PTPRT: variants seen among roughly 807,000 people sequenced by gnomAD.
PTPRT encodes the protein receptor-type tyrosine-protein phosphatase T.
PTPRT carries 56 observed loss-of-function variants against 176.8 expected under a neutral mutation model. The ratio of observed to expected loss-of-function variants is 0.32; its 90% CI spans 0.26 to 0.40. PTPRT has a LOEUF of 0.40. Ranked by LOEUF, PTPRT falls within the 10% of genes least tolerant of loss-of-function variation. The pLI is 1.00. For synonymous variants in PTPRT, 783 were observed against 739.0 expected (o/e 1.06, Z -0.96); for missense variants, 1,540 against 1,908.2 (o/e 0.81, Z 3.60).
intron 7 of PTPRT, among the ~76,000 whole-genome samples, chr20:42,548,238 G>C (rs1037666794): frequency 6.6e-5 from 10 of 151,954 alleles, no homozygotes; most frequent in Non-Finnish European, 1.2e-4. Flanking sequence ...AAATTTATAA[G>C]AAAGAATAAC....
At chr20:42,620,061 T>A (rs2074159928) in intron 7 of PTPRT, among the ~76,000 whole-genome samples, 1 of 148,980 alleles carries the variant, frequency 6.7e-6, no homozygotes, top group African/African-American at 2.5e-5. Flanking sequence ...TTTTTCCCCA[T>A]CTTTGTGGTT....
intron 9 of PTPRT, among the ~76,000 whole-genome samples, chr20:42,417,390 A>G (rs2059075878): frequency 6.6e-6 from 1 of 152,024 alleles, no homozygotes. Flanking sequence ...TTCTTCATGG[A>G]GATTCCTCCC....
chr20:42,959,430 C>T (rs893157181), intron 1 of PTPRT, among the ~76,000 whole-genome samples: 19 of 152,208 alleles, frequency 1.2e-4, no homozygotes, highest in African/African-American at 4.3e-4. Context: ...CTGAACATAG[C>T]TTCCTGTGCC....
chr20:43,127,340 G>A (rs545208961), intron 1 of PTPRT, among the ~76,000 whole-genome samples: 11 of 151,430 alleles, frequency 7.3e-5, no homozygotes, highest in African/African-American at 9.7e-5. Context: ...GGAGAATGGC[G>A]TGAACCTGGG....
intron 13 of PTPRT, among the ~76,000 whole-genome samples, chr20:42,276,524 TATATATATATATATATATATATA>T: frequency 2.5e-5 from 1 of 39,596 alleles, no homozygotes; most frequent in East Asian, 1.2e-3. Flanking sequence ...TATATATATA[TATATATATATATATATATATATA>T]TATATATATA....
At chr20:42,600,135 A>AT (rs201422471) in intron 7 of PTPRT, among the ~76,000 whole-genome samples, 1 of 151,394 alleles carries the variant, frequency 6.6e-6, no homozygotes, top group African/African-American at 2.4e-5. Context: ...TGTTGTTGTT[A>AT]TTTTTTTGTT....
At chr20:42,840,001 C>T (rs933897155) in intron 2 of PTPRT, among the ~76,000 whole-genome samples, 1 of 152,074 alleles carries the variant, frequency 6.6e-6, no homozygotes, top group Non-Finnish European at 1.5e-5. Flanking sequence ...CCTCAGCTGC[C>T]GTAACACAGT....
At chr20:42,807,241 C>G (rs746411794) in intron 2 of PTPRT, among the ~76,000 whole-genome samples, 2 of 152,216 alleles carry the variant, frequency 1.3e-5, no homozygotes, top group Non-Finnish European at 2.9e-5. Context: ...GTTAGTGGCA[C>G]GGCATAGGTG....
intron 7 of PTPRT, among the ~76,000 whole-genome samples, chr20:42,488,365 A>G (rs2071498665): frequency 6.6e-6 from 1 of 152,142 alleles, no homozygotes; most frequent in African/African-American, 2.4e-5. Context: ...GCTGTATGTA[A>G]AGGTACCTGT....
At chr20:42,526,922 C>T (rs954230324) in intron 7 of PTPRT, among the ~76,000 whole-genome samples, 13 of 150,824 alleles carry the variant, frequency 8.6e-5, no homozygotes, top group African/African-American at 3.2e-4. Context: ...TTCTACTCTA[C>T]CGTTCTAAGA....
intron 16 of PTPRT, among the ~76,000 whole-genome samples, chr20:42,180,348 T>C (rs562252396): frequency 6.6e-6 from 1 of 152,288 alleles, no homozygotes; most frequent in Admixed American, 6.5e-5. Context: ...ATGGCTCACA[T>C]CTGTTACCTT....
At chr20:42,930,873 A>G (rs932584169) in intron 1 of PTPRT, among the ~76,000 whole-genome samples, 2 of 152,188 alleles carry the variant, frequency 1.3e-5, no homozygotes, top group African/African-American at 2.4e-5. Context: ...GTAGCAAGAT[A>G]CAGCTGCCAA....
chr20:42,744,772 C>T (rs568446361), intron 6 of PTPRT, among the ~76,000 whole-genome samples: 30 of 152,318 alleles, frequency 2.0e-4, no homozygotes, highest in African/African-American at 7.2e-4. Context: ...CTGCATCCAG[C>T]TAACCAAAGA....
chr20:43,147,955 G>T (rs985109733), intron 1 of PTPRT, among the ~76,000 whole-genome samples: 2 of 152,160 alleles, frequency 1.3e-5, no homozygotes, highest in African/African-American at 4.8e-5. Flanking sequence ...TATCAGGTTA[G>T]AAAACATGAA....
intron 7 of PTPRT, among the ~76,000 whole-genome samples, chr20:42,582,886 T>C (rs1445928204): frequency 2.0e-5 from 3 of 152,162 alleles, no homozygotes; most frequent in Non-Finnish European, 4.4e-5. Context: ...GATTCGTTCA[T>C]TTCGTTCATC....
chr20:42,645,619 C>A (rs955580665), intron 7 of PTPRT, among the ~76,000 whole-genome samples: 1 of 151,898 alleles, frequency 6.6e-6, no homozygotes, highest in East Asian at 1.9e-4. Flanking sequence ...TAAAATACCA[C>A]GGAGAGTCAG....
intron 13 of PTPRT, among the ~76,000 whole-genome samples, chr20:42,260,216 G>T (rs1436475726): frequency 6.6e-6 from 1 of 152,208 alleles, no homozygotes. Context: ...GGACACATCA[G>T]GGCATTCCTG....
chr20:42,173,464 AT>A (rs1331872816), intron 16 of PTPRT, among the ~76,000 whole-genome samples: 2 of 152,170 alleles, frequency 1.3e-5, no homozygotes, highest in Non-Finnish European at 2.9e-5. Flanking sequence ...GGGTTTCACT[AT>A]TTTTTAAAAA....
At chr20:42,661,578 A>T (rs2146002468) in intron 7 of PTPRT, among the ~76,000 whole-genome samples, 1 of 152,298 alleles carries the variant, frequency 6.6e-6, no homozygotes, top group Non-Finnish European at 1.5e-5. Context: ...CCAGGTGGGA[A>T]AAGGGTTGGC....
Sources: allele counts gnomAD v4.1 joint callset (sites outside exome capture counted in the v4.1 genomes callset), GRCh38; gene constraint gnomAD v4.1.1; transcripts MANE v1.5; gene names NCBI Gene and HGNC (gene_info 2026-07-23, HGNC 2026-07-21).